Variants in CERCAM observed in about 807,000 individuals in gnomAD.
The protein encoded by CERCAM is cerebral endothelial cell adhesion molecule, also known as inactive glycosyltransferase 25 family member 3.
CERCAM carries 59 observed loss-of-function variants against 66.0 expected under a neutral mutation model. That is an observed-to-expected ratio of 0.89 (90% CI 0.73 to 1.11). The LOEUF (loss-of-function observed/expected upper bound fraction) is 1.11, where lower values mean the gene tolerates loss of function less well. CERCAM is among the 50% of genes most tolerant of loss of function. CERCAM has a pLI of 0.00. For synonymous variants in CERCAM, 318 were observed against 343.6 expected (o/e 0.93, Z 0.83); for missense variants, 840 against 828.3 (o/e 1.01, Z -0.17).
intron 12 of CERCAM, among the ~76,000 whole-genome samples, 182 bp downstream of exon 12, chr9:128,436,087 G>A (rs1431433436): frequency 6.6e-6 from 1 of 152,054 alleles, no homozygotes; most frequent in Non-Finnish European, 1.5e-5. Flanking sequence ...ACGGAGTCTC[G>A]CTCTGTCGCC....
chr9:128,425,067 G>T (rs1436766929), intron 5 of CERCAM, among the ~76,000 whole-genome samples: 3 of 148,290 alleles, frequency 2.0e-5, no homozygotes, highest in African/African-American at 7.6e-5. Context: ...TGTTGTTGTT[G>T]TTGTTTTTGG....
At chr9:128,423,817 C>T (rs972784698) in intron 3 of CERCAM, among the ~76,000 whole-genome samples, 3 of 152,114 alleles carry the variant, frequency 2.0e-5, no homozygotes, top group Non-Finnish European at 4.4e-5. Flanking sequence ...GATTTCTGGG[C>T]TAGAGCCCAG....
chr9:128,432,567 G>A (rs1203454795), intron 9 of CERCAM, among the ~76,000 whole-genome samples: 1 of 150,962 alleles, frequency 6.6e-6, no homozygotes, highest in East Asian at 2.0e-4. Flanking sequence ...TGTATTTTTT[G>A]TAGAGACAGG....
In CERCAM at chr9:128,428,960, G is replaced by C; in HGVS notation, c.994G>C (p.Asp332His). 6.2e-7 allele frequency: 1 copy of C among 1,611,050 alleles called. No homozygotes were observed. Among genetic ancestry groups the C allele is most frequent in the Non-Finnish European group, 8.5e-7 (1 of 1,178,984 alleles). ...VFVISLARRPDRRERMLASLW... is the reference protein window; with the variant it reads ...VFVISLARRPHRRERMLASLW... ...TGTCATCAGCCTGGCTCGCAGGCCT[G>C]ACCGTCGGGAACGCATGCTCGCCTC... is the stretch of plus-strand genomic sequence containing the variant. Residue 332 changes from aspartate to histidine, a missense_variant, in exon 8 of 13, where the codon GAC becomes CAC. Physicochemically the swap from Asp to His is moderately conservative, Grantham distance 81. Coordinates refer to ENST00000372838, the MANE Select transcript of CERCAM (RefSeq NM_016174.5).
Position 128,435,752 on chromosome 9 carries a change from G to T in CERCAM, c.1635G>T (p.Trp545Cys). 2 of 1,613,472 alleles carry T rather than the reference G, an allele frequency of 1.2e-6. No individual in the cohort carries two copies. The highest frequency in any genetic ancestry group is 8.5e-7 in the Non-Finnish European group (1 of 1,179,892). Residue 545 changes from tryptophan (W) to cysteine (C), a missense_variant, in exon 12 of 13, where the codon TGG becomes TGT. Physicochemically the swap from Trp to Cys is radical, Grantham distance 215. Coordinates refer to ENST00000372838, the MANE Select transcript of CERCAM (RefSeq NM_016174.5). Reference sequence around the variant, plus strand: ...CCCACTATGCCGGGGACGCCGAGTGGCTCAGTGACACGGAGACATCCTCTC... The same window carrying T: ...CCCACTATGCCGGGGACGCCGAGTGTCTCAGTGACACGGAGACATCCTCTC... ...APTHYAGDAE[W>C]LSDTETSSPW...
chr9:128,423,308 TC>T (rs1210518368), intron 3 of CERCAM, 45 bp downstream of exon 3: 1 of 1,500,812 alleles, frequency 6.7e-7, no homozygotes, highest in African/African-American at 1.4e-5. Context: ...GGCGGTAGTA[TC>T]CGTCCCTGAT....
intron 4 of CERCAM, 66 bp downstream of exon 4, chr9:128,424,338 G>A (rs1177616469): frequency 1.2e-6 from 2 of 1,612,024 alleles, no homozygotes; most frequent in Non-Finnish European, 1.7e-6. Context: ...AGAGCAGAGA[G>A]CCTGAGGCCT....
At chr9:128,420,579 C>G, upstream of CERCAM, 1 of 186,002 alleles carries the variant, frequency 5.4e-6, no homozygotes, top group Non-Finnish European at 1.1e-5. The surrounding 1 kb of genome is among the most constrained non-coding windows in gnomAD (Gnocchi z 5.0). Flanking sequence ...TCCTAGCACC[C>G]CTCCCCTGTC....
intron 12 of CERCAM, among the ~76,000 whole-genome samples, chr9:128,436,404 C>T (rs1048356433): frequency 3.9e-5 from 6 of 152,130 alleles, no homozygotes; most frequent in South Asian, 2.1e-4. Flanking sequence ...CCCACCACCA[C>T]GTCCGGCTAA....
Position 128,434,621 on chromosome 9 carries a change from T to C in CERCAM, c.1535+8T>C. On this transcript the variant is annotated splice_region_variant and intron_variant, in intron 11 of 12. Transcript: ENST00000372838. This position sits in a 1 kb window ranked among gnomAD's most constrained non-coding sequence, Gnocchi z 4.5. ...GTTCGACCAGCACCCCAAGTGAGGC[T>C]CTGATGGGGGCCGGGCATGGCAGGG... The C allele has an allele frequency of 6.3e-7, 1 of 1,582,378 alleles. No individual in the cohort carries two copies. The highest frequency in any genetic ancestry group is 1.1e-5 in the South Asian group (1 of 90,562).
chr9:128,428,455 G>GC, intron 6 of CERCAM, 34 bp downstream of exon 6: 1 of 1,611,324 alleles, frequency 6.2e-7, no homozygotes, highest in Non-Finnish European at 8.5e-7. Context: ...CCCACCTGCT[G>GC]CCGGGGCTCC....
Position 128,420,928 on chromosome 9 carries a change from G to A in CERCAM, c.51G>A (p.Gly17=), listed in dbSNP as rs1340394103. 3.5e-5 allele frequency: 50 copies of A among 1,438,038 alleles called. No individual in the cohort carries two copies. The highest frequency in any genetic ancestry group is 9.1e-7 in the Non-Finnish European group (1 of 1,096,992). The allele number at this position is 1,438,038 out of a possible 1,614,324, so 89.1% of individuals were successfully genotyped here. Residue 17 remains glycine (G), a synonymous_variant, in exon 1 of 13, where the codon GGG becomes GGA. Transcript: ENST00000372838. The surrounding 1 kb of genome is among the most constrained non-coding windows in gnomAD (Gnocchi z 5.0). ...TGCTCCAGCTGCTGCTCCTGCTGGG[G>A]CCGTGGCTGGAGGCTGCGGGCGTTG... is the stretch of plus-strand genomic sequence containing the variant. ...APLLQLLLLL[G]PWLEAAGVAE... is the part of the protein sequence containing the mutation.
chr9:128,432,218 GT>G lies in CERCAM; in HGVS notation c.1203+918del, dbSNP rs1330532827. On this transcript the variant is annotated intron_variant, in intron 9 of 12. Transcript: ENST00000372838. Reference sequence around the variant, plus strand: ...TTTTTCTATTTTTAGTAGACAGGGGGTTTCGCCATATTGGTCAGGCTGGTCT... The same window carrying G: ...TTTTTCTATTTTTAGTAGACAGGGGGTTCGCCATATTGGTCAGGCTGGTCT... 6.6e-5 allele frequency among the ~76,000 whole-genome samples: 10 copies of G among 152,002 alleles called. No homozygotes were observed. The East Asian group carries it at 1.9e-3, about 29-fold the overall frequency.
chr9:128,432,409 G>A (rs1276664783), intron 9 of CERCAM, among the ~76,000 whole-genome samples: 1 of 143,092 alleles, frequency 7.0e-6, no homozygotes, highest in Non-Finnish European at 1.5e-5. Context: ...TTTTGAGACA[G>A]GGTATTGCTC....
intron 5 of CERCAM, among the ~76,000 whole-genome samples, chr9:128,425,837 T>TTTG (rs1833833438): frequency 1.5e-5 from 2 of 132,356 alleles, no homozygotes; most frequent in Non-Finnish European, 3.2e-5. Context: ...TTTTTTTTTT[T>TTTG]GAGACGGAGT....
chr9:128,429,787 A>C (rs1338826363), intron 8 of CERCAM, among the ~76,000 whole-genome samples: 1 of 151,584 alleles, frequency 6.6e-6, no homozygotes, highest in African/African-American at 2.4e-5. Context: ...CTAATTAAAA[A>C]GAATTTTTTT....
At chr9:128,431,416 C>T (rs1399248793) in intron 9 of CERCAM, 113 bp downstream of exon 9, 62 of 1,405,162 alleles carry the variant, frequency 4.4e-5, no homozygotes, top group Non-Finnish European at 5.9e-5. Context: ...AAAACCTGGC[C>T]AGCAGCTTTC....
At chr9:128,435,986 C>A (rs1834104931) in intron 12 of CERCAM, 81 bp downstream of exon 12, 4 of 1,389,762 alleles carry the variant, frequency 2.9e-6, no homozygotes, top group Non-Finnish European at 3.8e-6. Flanking sequence ...GTGTCTGGGG[C>A]TGTTTTCCCC....
intron 1 of CERCAM, 40 bp from the exon 2 acceptor site, chr9:128,422,828 G>A (rs1011859611): frequency 4.4e-6 from 7 of 1,608,734 alleles, no homozygotes; most frequent in East Asian, 4.5e-5. Context: ...GTTCAATCCT[G>A]TGGCTGTGCC....
Sources: gnomAD v4.1 joint callset for allele counts (sites outside exome capture counted in the v4.1 genomes callset) on GRCh38, gnomAD v4.1.1 for gene constraint, Gnocchi (gnomAD v3.1) non-coding constraint, MANE v1.5 for transcripts, NCBI Gene and HGNC (gene_info 2026-07-23, HGNC 2026-07-21) for gene names.